Variants in BAALC observed in about 807,000 individuals in gnomAD.
BAALC encodes brain and acute leukemia cytoplasmic protein.
Under a neutral mutation model 15.5 loss-of-function variants are expected in BAALC, and 9 were observed. That is an observed-to-expected ratio of 0.58 (90% CI 0.35 to 1.02). The LOEUF is 1.02. Ranked by LOEUF, BAALC falls within the 50% of genes least tolerant of loss-of-function variation. BAALC has a pLI of 0.02. For missense variants in BAALC, 201 were observed against 192.4 expected (o/e 1.04, Z -0.27); for synonymous variants, 80 against 74.6 (o/e 1.07, Z -0.37).
chr8:103,211,439 T>C (rs1213346948), intron 1 of BAALC, among the ~76,000 whole-genome samples: 1 of 152,230 alleles, frequency 6.6e-6, no homozygotes, highest in Non-Finnish European at 1.5e-5. Context: ...TGAACATTTT[T>C]GGGTAACTCG....
chr8:103,216,308 G>T (rs1812553914), intron 2 of BAALC, among the ~76,000 whole-genome samples: 1 of 152,104 alleles, frequency 6.6e-6, no homozygotes, highest in Non-Finnish European at 1.5e-5. Context: ...CAGGACAGGG[G>T]TATATTTGAC....
rs901933137 is a variant in BAALC, at chr8:103,228,354, C to T, written c.*255C>T. ...ACTGCAAATGTGCAGTTCAGTTTGT[C>T]TCTTTGCAACTCCTGTAATACGGTC... On this transcript the variant is annotated 3_prime_UTR_variant, in exon 3 of 3. Coordinates refer to ENST00000309982, the MANE Select transcript of BAALC (RefSeq NM_024812.3). The T allele has an allele frequency of 2.6e-6, 1 of 386,126 alleles. No individual in the cohort carries two copies. Among genetic ancestry groups the T allele is most frequent in the African/African-American group, 2.1e-5 (1 of 48,542 alleles). The allele number at this position is 386,126 out of a possible 1,614,324, so 23.9% of individuals were successfully genotyped here.
intron 2 of BAALC, among the ~76,000 whole-genome samples, chr8:103,218,192 G>T (rs1812603725): frequency 6.6e-6 from 1 of 151,958 alleles, no homozygotes; most frequent in Non-Finnish European, 1.5e-5. Context: ...CTTCCTTTTT[G>T]TCAATTCCCT....
At chr8:103,144,381 G>A (rs1810840038) in intron 1 of BAALC, among the ~76,000 whole-genome samples, 1 of 152,188 alleles carries the variant, frequency 6.6e-6, no homozygotes, top group East Asian at 1.9e-4. Context: ...TTAAAAGCTA[G>A]CTGAAGCCAA....
chr8:103,195,971 G>A (rs368735149), intron 1 of BAALC, among the ~76,000 whole-genome samples: 11 of 152,314 alleles, frequency 7.2e-5, no homozygotes, highest in African/African-American at 2.2e-4. Context: ...CCGGTCTTGA[G>A]GAGGAGTCTG....
intron 2 of BAALC, among the ~76,000 whole-genome samples, chr8:103,220,967 A>G (rs577486765): frequency 6.6e-6 from 1 of 152,366 alleles, no homozygotes; most frequent in East Asian, 1.9e-4. Context: ...ATATTTGTGG[A>G]GTTCAAGCAA....
At chr8:103,206,498 G>A (rs968828325) in intron 1 of BAALC, among the ~76,000 whole-genome samples, 5 of 152,084 alleles carry the variant, frequency 3.3e-5, no homozygotes, top group African/African-American at 1.2e-4. Flanking sequence ...ATGTGCCGCC[G>A]CAGACCCTTC....
intron 1 of BAALC, 104 bp downstream of exon 1, chr8:103,141,161 C>T: frequency 3.9e-6 from 5 of 1,287,192 alleles, no homozygotes; most frequent in Non-Finnish European, 5.0e-6. Context: ...GATGGCGCGG[C>T]GGGGGTGGCT....
intron 1 of BAALC, among the ~76,000 whole-genome samples, chr8:103,195,621 C>T (rs897069674): frequency 2.0e-5 from 3 of 152,096 alleles, no homozygotes; most frequent in African/African-American, 4.8e-5. Context: ...ACTGTTTATG[C>T]GAGCTGTTCC....
chr8:103,177,815 C>A (rs1364266896), intron 1 of BAALC, among the ~76,000 whole-genome samples: 1 of 152,144 alleles, frequency 6.6e-6, no homozygotes, highest in Non-Finnish European at 1.5e-5. Context: ...AAATAATATA[C>A]CGTAAAATTT....
intron 2 of BAALC, among the ~76,000 whole-genome samples, chr8:103,223,354 G>T (rs1812725706): frequency 6.6e-6 from 1 of 152,096 alleles, no homozygotes; most frequent in Non-Finnish European, 1.5e-5. Flanking sequence ...GGATAAACCA[G>T]GATAAACTAG....
Position 103,229,679 on chromosome 8 carries a change from G to A in BAALC, c.*1580G>A, listed in dbSNP as rs1207095528. ...TATAGTGTGTGTTGCAAATCACTCT[G>A]CAATGGAAACTTTTATATTCAGGGT... is the stretch of plus-strand genomic sequence containing the variant. On this transcript the variant is annotated 3_prime_UTR_variant, in exon 3 of 3. Transcript: ENST00000309982. 6.6e-6 allele frequency: 1 copy of A among 152,158 alleles called. No homozygotes were observed. Among genetic ancestry groups the A allele is most frequent in the East Asian group, 1.9e-4 (1 of 5,192 alleles). 9.4% of individuals were successfully genotyped at this position (152,158 alleles called of 1,614,324 possible). A position where few individuals can be genotyped will look rare whatever the true frequency, so the allele number is the denominator to read the frequency against.
At chr8:103,176,074 C>T (rs1192074659) in intron 1 of BAALC, among the ~76,000 whole-genome samples, 1 of 151,856 alleles carries the variant, frequency 6.6e-6, no homozygotes, top group Middle Eastern at 3.2e-3. Context: ...AATTCACTGG[C>T]CAGCAAAAAG....
At chr8:103,142,893 C>T (rs1400135985) in intron 1 of BAALC, among the ~76,000 whole-genome samples, 1 of 152,214 alleles carries the variant, frequency 6.6e-6, no homozygotes, top group Non-Finnish European at 1.5e-5. Flanking sequence ...TCATGGTACC[C>T]TGCCAAACAT....
intron 1 of BAALC, among the ~76,000 whole-genome samples, chr8:103,196,936 A>G (rs1178474963): frequency 6.6e-6 from 1 of 152,194 alleles, no homozygotes; most frequent in Non-Finnish European, 1.5e-5. Flanking sequence ...GGGTCTGGGG[A>G]GAAGAAAATG....
chr8:103,189,537 G>T (rs1811920298), intron 1 of BAALC, among the ~76,000 whole-genome samples: 1 of 152,196 alleles, frequency 6.6e-6, no homozygotes, highest in Admixed American at 6.5e-5. Flanking sequence ...CTTGGAATAA[G>T]CAAGGGATCA....
intron 1 of BAALC, among the ~76,000 whole-genome samples, chr8:103,168,434 C>T (rs970064350): frequency 6.6e-6 from 1 of 151,778 alleles, no homozygotes; most frequent in African/African-American, 2.4e-5. Context: ...TGACACTTTT[C>T]GCAGCTAAAC....
chr8:103,212,846 C>T (rs1586435586), intron 1 of BAALC, 73 bp from the exon 2 acceptor site: 1 of 1,472,944 alleles, frequency 6.8e-7, no homozygotes, highest in Non-Finnish European at 9.1e-7. Context: ...TCTGTTTCTC[C>T]ACCATTTTGG....
chr8:103,207,141 T>C (rs1432495119), intron 1 of BAALC, among the ~76,000 whole-genome samples: 1 of 152,084 alleles, frequency 6.6e-6, no homozygotes, highest in Non-Finnish European at 1.5e-5. Flanking sequence ...ACTAATAGCA[T>C]CTGTTGGAAG....
Sources: allele counts gnomAD v4.1 joint callset (sites outside exome capture counted in the v4.1 genomes callset), GRCh38; gene constraint gnomAD v4.1.1; transcripts MANE v1.5; gene names NCBI Gene and HGNC (gene_info 2026-07-23, HGNC 2026-07-21).